Variants in DPP10 observed in about 807,000 individuals in gnomAD.
DPP10 encodes inactive dipeptidyl peptidase 10.
DPP10 carries 33 observed loss-of-function variants against 120.9 expected under a neutral mutation model. The observed-to-expected ratio is 0.27, with a 90% confidence interval of 0.21 to 0.37. The LOEUF is 0.37. Ranked by LOEUF, DPP10 falls within the 10% of genes least tolerant of loss-of-function variation. DPP10 has a pLI of 1.00. For missense variants in DPP10, 816 were observed against 942.8 expected (o/e 0.87, Z 1.76); for synonymous variants, 337 against 326.1 (o/e 1.03, Z -0.36).
chr2:115,659,545 G>C (rs567408096), intron 5 of DPP10, among the ~76,000 whole-genome samples: 1 of 152,218 alleles, frequency 6.6e-6, no homozygotes, highest in Non-Finnish European at 1.5e-5. Context: ...AAATGTGTTT[G>C]TTGTTTTGAT....
intron 1 of DPP10, among the ~76,000 whole-genome samples, chr2:114,965,143 CTTTCTTTTTTT>C: frequency 6.6e-6 from 1 of 151,794 alleles, no homozygotes; most frequent in African/African-American, 2.4e-5. Context: ...TTCTTTCTTT[CTTTCTTTTTTT>C]TGGACGGATT....
At chr2:115,386,285 G>T (rs985218421) in intron 3 of DPP10, among the ~76,000 whole-genome samples, 1 of 152,062 alleles carries the variant, frequency 6.6e-6, no homozygotes, top group Non-Finnish European at 1.5e-5. Flanking sequence ...TCTTTATCTT[G>T]TATCCATATT....
chr2:115,442,122 T>C (rs1016097153), intron 3 of DPP10, among the ~76,000 whole-genome samples: 2 of 152,096 alleles, frequency 1.3e-5, no homozygotes, highest in Non-Finnish European at 2.9e-5. Flanking sequence ...GACAAGTTTT[T>C]TTTTTAAATT....
chr2:115,838,005 A>T (rs1364945890), intron 24 of DPP10, among the ~76,000 whole-genome samples: 1 of 152,138 alleles, frequency 6.6e-6, no homozygotes, highest in Non-Finnish European at 1.5e-5. Context: ...CCCCAAATAA[A>T]GTGGGTTTAG....
intron 3 of DPP10, among the ~76,000 whole-genome samples, chr2:115,422,688 G>A (rs983152791): frequency 1.3e-5 from 2 of 151,908 alleles, no homozygotes; most frequent in Non-Finnish European, 1.5e-5. Flanking sequence ...GTTGAATTGA[G>A]AACAAAGAGA....
chr2:114,777,123 T>A (rs187157571), intron 1 of DPP10, among the ~76,000 whole-genome samples: 1 of 152,100 alleles, frequency 6.6e-6, no homozygotes, highest in African/African-American at 2.4e-5. Context: ...CAGAAGTAAA[T>A]GAAATGTACT....
At chr2:115,489,987 A>T (rs1451632828) in intron 3 of DPP10, among the ~76,000 whole-genome samples, 1 of 152,124 alleles carries the variant, frequency 6.6e-6, no homozygotes, top group Non-Finnish European at 1.5e-5. Context: ...TCTGACTTCA[A>T]ATATTTAGAC....
intron 1 of DPP10, among the ~76,000 whole-genome samples, chr2:114,814,684 A>G (rs1410895831): frequency 1.3e-5 from 2 of 151,898 alleles, no homozygotes; most frequent in African/African-American, 4.8e-5. Flanking sequence ...CACATCTCTT[A>G]TTTTAGAAAA....
intron 1 of DPP10, among the ~76,000 whole-genome samples, chr2:114,897,199 T>C (rs1169072641): frequency 6.6e-6 from 1 of 152,208 alleles, no homozygotes; most frequent in African/African-American, 2.4e-5. Flanking sequence ...AAAATTCAAT[T>C]TTTTGGTTGT....
At chr2:114,480,884 AAAAAC>A (rs1159794753) in intron 1 of DPP10, among the ~76,000 whole-genome samples, 8 of 150,104 alleles carry the variant, frequency 5.3e-5, no homozygotes, top group African/African-American at 2.0e-4. Context: ...ACACCCCCCA[AAAAAC>A]AAAAAAAACA....
chr2:115,619,550 A>G (rs1045227839), intron 5 of DPP10, among the ~76,000 whole-genome samples: 1 of 152,100 alleles, frequency 6.6e-6, no homozygotes, highest in Non-Finnish European at 1.5e-5. Context: ...TCAAGTATAC[A>G]CTTACGGTTT....
In DPP10 at chr2:114,785,015, C is replaced by A. The variant is rs571500014; in HGVS notation, c.60+342177C>A. Among the ~76,000 whole-genome samples the A allele has an allele frequency of 3.9e-5, 6 of 152,226 alleles. No individual in the cohort carries two copies. The South Asian group carries it at 1.2e-3, about 32-fold the overall frequency. On this transcript the variant is annotated intron_variant, in intron 1 of 25. Transcript: ENST00000410059. ...TTGTATTTTGCTCCATTTATTTTGC[C>A]TTGCATCCAGTCACCTTGCAGCTGT...
intron 1 of DPP10, among the ~76,000 whole-genome samples, chr2:114,595,981 G>T (rs1200253244): frequency 6.6e-6 from 1 of 152,082 alleles, no homozygotes; most frequent in Non-Finnish European, 1.5e-5. Context: ...TCAATTCAGA[G>T]ATGTCATTTG....
At chr2:115,474,138 T>A (rs1462613202) in intron 3 of DPP10, among the ~76,000 whole-genome samples, 1 of 151,962 alleles carries the variant, frequency 6.6e-6, no homozygotes, top group Non-Finnish European at 1.5e-5. Context: ...GCAATGGCAA[T>A]TATGAACACA....
In DPP10 at chr2:115,739,893, G is replaced by A. The variant is rs1677041371; in HGVS notation, c.852G>A (p.Lys284=). 6.2e-7 allele frequency: 1 copy of A among 1,612,732 alleles called. No homozygotes were observed. Among genetic ancestry groups the A allele is most frequent in the Non-Finnish European group, 8.5e-7 (1 of 1,179,076 alleles). ...YPKGKQYPYP[K]AGQVNPTIKL... The stretch of plus-strand genomic sequence containing the variant: ...AAGGAAAGCAGTATCCGTATCCTAA[G>A]GTAAGTAACATGGAAGTACTATTTT... The change falls in exon 9 of 26, where the codon AAG becomes AAA. Residue 284 remains lysine, a splice_region_variant and synonymous_variant. Coordinates refer to ENST00000410059, the MANE Select transcript of DPP10 (RefSeq NM_020868.6).
At chr2:115,103,447 C>A (rs2048801514) in intron 1 of DPP10, among the ~76,000 whole-genome samples, 1 of 152,160 alleles carries the variant, frequency 6.6e-6, no homozygotes, top group Non-Finnish European at 1.5e-5. Flanking sequence ...CTCAGCCTCC[C>A]AAAGTGCTGG....
intron 3 of DPP10, among the ~76,000 whole-genome samples, chr2:115,498,974 A>G (rs1186611695): frequency 6.6e-6 from 1 of 152,062 alleles, no homozygotes; most frequent in East Asian, 1.9e-4. Context: ...TGTGCAAGCC[A>G]GGTAAAATAC....
intron 1 of DPP10, among the ~76,000 whole-genome samples, chr2:114,640,819 G>A (rs1431008058): frequency 6.6e-6 from 1 of 151,896 alleles, no homozygotes; most frequent in Non-Finnish European, 1.5e-5. Context: ...ACAGGGAAAG[G>A]GGAAGCAGTT....
At position 114,455,688 on chromosome 2, in the gene DPP10, C is replaced by T. The variant is rs140025770; in HGVS notation, c.60+12850C>T. 5.4e-3 allele frequency among the ~76,000 whole-genome samples: 819 copies of T among 151,560 alleles called. 10 individuals carry two copies. The highest frequency in any genetic ancestry group is 0.018 in the African/African-American group (747 of 41,294). On this transcript the variant is annotated intron_variant, in intron 1 of 25. Coordinates refer to ENST00000410059, the MANE Select transcript of DPP10 (RefSeq NM_020868.6). ...ATAAGAAGAAAATATCTTCTAGGCA[C>T]CTACTCTGTGCCAGAAAGTCTCATA...
Sources: allele counts gnomAD v4.1 joint callset (sites outside exome capture counted in the v4.1 genomes callset), GRCh38; gene constraint gnomAD v4.1.1; transcripts MANE v1.5; gene names NCBI Gene and HGNC (gene_info 2026-07-23, HGNC 2026-07-21).